The following CNTN5 variants were observed in gnomAD, a reference collection of about 807,000 sequenced individuals.
CNTN5 encodes contactin-5.
In CNTN5, 77 loss-of-function variants were observed where a neutral mutation model predicts 129.1. That is an observed-to-expected ratio of 0.60 (90% confidence interval 0.50 to 0.72). The LOEUF (loss-of-function observed/expected upper bound fraction) is 0.72. Among genes scored for constraint, CNTN5 ranks in the 30% least tolerant of loss-of-function variants. CNTN5 has a pLI of 0.00. For missense variants in CNTN5, 1,478 were observed against 1,328.8 expected, an observed-to-expected ratio of 1.11 and a Z score of -1.75; for synonymous variants, 509 against 465.6, an observed-to-expected ratio of 1.09 and a Z score of -1.20.
chr11:100,181,395 G>A lies in CNTN5; in HGVS notation c.1581-9731G>A, dbSNP rs551059618. Among the ~76,000 whole-genome samples the A allele has an allele frequency of 5.3e-5, 8 of 152,032 alleles. No individual in the cohort carries two copies. The South Asian group carries it at 1.7e-3, about 32-fold the overall frequency. On this transcript the variant is annotated intron_variant, in intron 13 of 24. Transcript: ENST00000524871. The stretch of plus-strand genomic sequence containing the variant: ...TATAAATGGAGAGAAATTAGCAGTT[G>A]CCAGGAATTAGGAAGCGAATGGTGG...
chr11:99,963,821 T>G (rs892155935), intron 8 of CNTN5, among the ~76,000 whole-genome samples: 4 of 152,176 alleles, frequency 2.6e-5, no homozygotes, highest in African/African-American at 9.7e-5. Flanking sequence ...GTTTGTATCC[T>G]CTTTTGTTTC....
At chr11:99,252,815 A>G (rs1439538729) in intron 1 of CNTN5, among the ~76,000 whole-genome samples, 1 of 152,038 alleles carries the variant, frequency 6.6e-6, no homozygotes. Context: ...TTCATTGGAG[A>G]CATTGTGTTG....
chr11:99,188,631 A>G (rs1236004812), intron 1 of CNTN5, among the ~76,000 whole-genome samples: 1 of 151,676 alleles, frequency 6.6e-6, no homozygotes, highest in East Asian at 1.9e-4. Context: ...ATTTCTTTTT[A>G]TTTATAACCA....
At chr11:99,405,334 C>G (rs1942025294) in intron 2 of CNTN5, among the ~76,000 whole-genome samples, 2 of 152,030 alleles carry the variant, frequency 1.3e-5, no homozygotes, top group Admixed American at 1.3e-4. Context: ...AAGACAGTAA[C>G]TCTTAGGTTT....
chr11:99,578,804 C>A (rs1479819410), intron 3 of CNTN5, among the ~76,000 whole-genome samples: 3 of 152,162 alleles, frequency 2.0e-5, no homozygotes, highest in Admixed American at 1.3e-4. Context: ...ATAGTGGTTT[C>A]TTTTGCTGTG....
chr11:100,166,189 A>G (rs1947629176), intron 13 of CNTN5, among the ~76,000 whole-genome samples: 1 of 151,770 alleles, frequency 6.6e-6, no homozygotes, highest in South Asian at 2.1e-4. Flanking sequence ...TTTTGGAGTG[A>G]AAAATACATT....
chr11:99,212,838 T>G (rs1263477752), intron 1 of CNTN5, among the ~76,000 whole-genome samples: 2 of 152,100 alleles, frequency 1.3e-5, no homozygotes, highest in East Asian at 3.9e-4. Context: ...TTCAAAAACC[T>G]TATAAATGAA....
chr11:100,193,001 T>C (rs1173231696), intron 14 of CNTN5, among the ~76,000 whole-genome samples: 1 of 152,012 alleles, frequency 6.6e-6, no homozygotes, highest in African/African-American at 2.4e-5. Context: ...TATTATATTT[T>C]TATCTCTGTT....
intron 1 of CNTN5, among the ~76,000 whole-genome samples, chr11:99,262,504 C>T (rs1198945916): frequency 1.3e-5 from 2 of 151,738 alleles, no homozygotes; most frequent in Non-Finnish European, 2.9e-5. Flanking sequence ...TTTATTTTGT[C>T]TACTCTATAA....
At chr11:99,352,384 T>G (rs1246820928) in intron 2 of CNTN5, among the ~76,000 whole-genome samples, 1 of 152,238 alleles carries the variant, frequency 6.6e-6, no homozygotes, top group East Asian at 1.9e-4. Flanking sequence ...ATGGTTTTTA[T>G]GGTTCCTTTC....
intron 21 of CNTN5, among the ~76,000 whole-genome samples, chr11:100,332,075 G>A (rs563655841): frequency 9.2e-5 from 14 of 151,980 alleles, no homozygotes; most frequent in African/African-American, 2.9e-4. Context: ...AAGTAAAATC[G>A]ATAGACCATT....
intron 1 of CNTN5, among the ~76,000 whole-genome samples, chr11:99,231,977 C>T (rs370711431): frequency 1.2e-4 from 19 of 152,152 alleles, no homozygotes; most frequent in African/African-American, 4.3e-4. Flanking sequence ...GGTCTTATTT[C>T]CGAGTTCTCT....
At chr11:99,608,857 A>G (rs1193622518) in intron 3 of CNTN5, among the ~76,000 whole-genome samples, 1 of 152,206 alleles carries the variant, frequency 6.6e-6, no homozygotes, top group East Asian at 1.9e-4. Flanking sequence ...CTAAGTCTCA[A>G]TAGTTATGAA....
intron 2 of CNTN5, among the ~76,000 whole-genome samples, chr11:99,433,943 G>T (rs1183401630): frequency 6.6e-6 from 1 of 152,032 alleles, no homozygotes; most frequent in Admixed American, 6.6e-5. Context: ...TAAAAGAAAT[G>T]AACATTTTTC....
intron 13 of CNTN5, among the ~76,000 whole-genome samples, chr11:100,083,408 C>CT: frequency 1.3e-5 from 2 of 151,494 alleles, no homozygotes; most frequent in South Asian, 4.2e-4. Flanking sequence ...CACTTATCAT[C>CT]AGGGGATGAT....
At chr11:99,799,532 C>A (rs903872866) in intron 3 of CNTN5, among the ~76,000 whole-genome samples, 9 of 149,746 alleles carry the variant, frequency 6.0e-5, no homozygotes, top group South Asian at 2.3e-4. Flanking sequence ...TAATTCTGTT[C>A]ATGTGGTGAA....
At chr11:100,039,236 T>G (rs1172614886) in intron 9 of CNTN5, among the ~76,000 whole-genome samples, 2 of 152,184 alleles carry the variant, frequency 1.3e-5, no homozygotes, top group South Asian at 2.1e-4. Flanking sequence ...GAAGCTTAAT[T>G]TGGCTGGATA....
chr11:99,879,484 A>G (rs1948718024), intron 6 of CNTN5, among the ~76,000 whole-genome samples: 1 of 152,236 alleles, frequency 6.6e-6, no homozygotes, highest in Non-Finnish European at 1.5e-5. Context: ...ACAGGTAAAC[A>G]TAGAAGCTCC....
intron 1 of CNTN5, among the ~76,000 whole-genome samples, chr11:99,209,306 G>A (rs952853996): frequency 6.6e-6 from 1 of 152,084 alleles, no homozygotes; most frequent in Admixed American, 6.6e-5. Context: ...ACTGTCTCAC[G>A]GTTCTTCAGG....
Sources: allele counts gnomAD v4.1 joint callset (sites outside exome capture counted in the v4.1 genomes callset), GRCh38; gene constraint gnomAD v4.1.1; transcripts MANE v1.5; gene names NCBI Gene and HGNC (gene_info 2026-07-23, HGNC 2026-07-21).